TNRC6C: variants seen among roughly 807,000 people sequenced by gnomAD.
The protein encoded by TNRC6C is trinucleotide repeat-containing gene 6C protein.
In TNRC6C, 20 loss-of-function variants were observed where a neutral mutation model predicts 153.7. That is an observed-to-expected ratio of 0.13 (90% CI 0.09 to 0.19). The LOEUF (loss-of-function observed/expected upper bound fraction) is 0.19, where lower values mean the gene tolerates loss of function less well. TNRC6C is among the 10% of genes least tolerant of loss of function. The pLI, the probability that TNRC6C is intolerant of heterozygous loss-of-function variation, is 1.00. For missense variants in TNRC6C, 1,987 were observed against 2,172.0 expected (o/e 0.91, Z 1.69); for synonymous variants, 811 against 841.4 (o/e 0.96, Z 0.63).
chr17:78,098,619 G>T, intron 17 of TNRC6C, 82 bp downstream of exon 20: 1 of 1,448,096 alleles, frequency 6.9e-7, no homozygotes, highest in Admixed American at 2.2e-5. Context: ...TACCTCCTTT[G>T]TAAGGACCCC....
At position 77,985,617 on chromosome 17, in the gene TNRC6C, C is replaced by T. The variant is rs866333002; in HGVS notation, c.-37-18553C>T. On this transcript the variant is annotated intron_variant, in intron 1 of 22. Coordinates refer to the TNRC6C transcript ENST00000636222. ...ACTCCGTCTCAAAAAAAAAAAAAAA[C>T]CAGCAACTGTGTTGAATCTGTCTCA... Among the ~76,000 whole-genome samples, 10 of 140,208 alleles carry T rather than the reference C, an allele frequency of 7.1e-5. No individual in the cohort carries two copies. The South Asian group carries it at 1.7e-3, about 24-fold the overall frequency. The allele number at this position is 140,208 out of a possible 152,430, so 92.0% of individuals were successfully genotyped here. A position where few individuals can be genotyped will look rare whatever the true frequency, so the allele number is the denominator to read the frequency against.
chr17:78,092,207 G>T (rs528363389), intron 14 of TNRC6C, among the ~76,000 whole-genome samples: 1 of 152,192 alleles, frequency 6.6e-6, no homozygotes, highest in Non-Finnish European at 1.5e-5. Context: ...AGTAGGTTAC[G>T]TAGTTCTCTC....
intron 18 of TNRC6C, 174 bp downstream of exon 21, chr17:78,102,718 G>T: frequency 1.7e-6 from 1 of 587,052 alleles, no homozygotes; most frequent in Non-Finnish European, 2.9e-6. Context: ...CTCCAGCAGC[G>T]GCAGCAGATG....
intron 1 of TNRC6C, among the ~76,000 whole-genome samples, chr17:77,989,159 T>C (rs1157020980): frequency 6.6e-6 from 1 of 152,208 alleles, no homozygotes; most frequent in African/African-American, 2.4e-5. Context: ...GGCAGACCTT[T>C]GGAAGGATGG....
rs374510417 is a variant in TNRC6C at position 78,028,142 on chromosome 17, G to A, written c.-545-3374G>A. Among the ~76,000 whole-genome samples the A allele has an allele frequency of 5.6e-3, 847 of 152,194 alleles. 5 individuals carry two copies. Among genetic ancestry groups the A allele is most frequent in the Non-Finnish European group, 7.4e-3 (504 of 68,008 alleles). On this transcript the variant is annotated intron_variant, in intron 1 of 19. Transcript: ENST00000301624. ...CTCGATCTGACCTTGTGATCTGCCC[G>A]CCTCGGCCTCCCAAAGTGCTGGGAT...
chr17:77,964,197 T>C (rs781550502), intron 1 of TNRC6C, among the ~76,000 whole-genome samples: 2 of 152,244 alleles, frequency 1.3e-5, no homozygotes, highest in Non-Finnish European at 2.9e-5. Flanking sequence ...GGCATCTATT[T>C]GTATAAATCC....
At chr17:77,962,880 GT>G (rs1421435676) in intron 1 of TNRC6C, among the ~76,000 whole-genome samples, 1 of 152,178 alleles carries the variant, frequency 6.6e-6, no homozygotes, top group Non-Finnish European at 1.5e-5. Context: ...CTGGATTTTA[GT>G]TACTTTAGAT....
intron 1 of TNRC6C, among the ~76,000 whole-genome samples, chr17:77,986,411 C>G (rs1430417179): frequency 7.8e-5 from 2 of 25,500 alleles, no homozygotes; most frequent in Non-Finnish European, 1.6e-4. Flanking sequence ...GAAACTCCAT[C>G]TCAAAAAAAA....
chr17:78,064,815 G>A (rs1216522362), exon 4 of TNRC6C: 1 of 1,613,778 alleles, frequency 6.2e-7, no homozygotes, highest in South Asian at 1.1e-5. Flanking sequence ...GTGGATAATG[G>A]CACAGCAGCA....
intron 1 of TNRC6C, among the ~76,000 whole-genome samples, chr17:77,973,057 C>G (rs1406114573): frequency 6.6e-6 from 1 of 152,338 alleles, no homozygotes; most frequent in East Asian, 1.9e-4. Context: ...AGGCGCCTGC[C>G]ATCACATCCA....
At chr17:78,007,090 C>T (rs1003166564) in intron 1 of TNRC6C, among the ~76,000 whole-genome samples, 2 of 152,036 alleles carry the variant, frequency 1.3e-5, no homozygotes, top group Admixed American at 6.6e-5. Flanking sequence ...TGATTCCCCC[C>T]CACCTCGGCC....
At chr17:78,059,855 A>AG (rs113857642) in intron 3 of TNRC6C, among the ~76,000 whole-genome samples, 15,252 of 151,526 alleles carry the variant, frequency 0.1, 858 homozygotes, top group East Asian at 0.18. Context: ...TCAAAAAAAA[A>AG]AAAAAAAAGA....
At chr17:77,983,590 T>C (rs1164338939) in intron 1 of TNRC6C, among the ~76,000 whole-genome samples, 1 of 152,204 alleles carries the variant, frequency 6.6e-6, no homozygotes, top group Non-Finnish European at 1.5e-5. Flanking sequence ...CCTGTCATGT[T>C]GAGAACCCTG....
At chr17:78,033,435 C>T (rs2072112543) in intron 2 of TNRC6C, among the ~76,000 whole-genome samples, 1 of 152,068 alleles carries the variant, frequency 6.6e-6, no homozygotes. Flanking sequence ...TTTGGGAAGC[C>T]AAGGTGGGCG....
At chr17:78,021,231 C>T (rs926488911) in intron 1 of TNRC6C, among the ~76,000 whole-genome samples, 3 of 152,234 alleles carry the variant, frequency 2.0e-5, no homozygotes, top group African/African-American at 7.2e-5. Flanking sequence ...TGGACAACCT[C>T]TCCAGAGAGT....
At chr17:78,080,889 G>A (rs1487170995) in intron 10 of TNRC6C, among the ~76,000 whole-genome samples, 3 of 152,174 alleles carry the variant, frequency 2.0e-5, no homozygotes, top group Admixed American at 6.5e-5. Flanking sequence ...AAAAGAGAAC[G>A]TGTTAATTCA....
chr17:78,047,355 T>A (rs186763404), intron 2 of TNRC6C, among the ~76,000 whole-genome samples: 33 of 152,380 alleles, frequency 2.2e-4, no homozygotes, highest in African/African-American at 7.9e-4. Context: ...AGTCATTTTA[T>A]AGCAGTTTCA....
chr17:78,037,590 G>A (rs2072204921), intron 2 of TNRC6C, among the ~76,000 whole-genome samples: 1 of 152,196 alleles, frequency 6.6e-6, no homozygotes, highest in African/African-American at 2.4e-5. Flanking sequence ...GGAGTGACCT[G>A]CATGCATGAA....
intron 1 of TNRC6C, among the ~76,000 whole-genome samples, chr17:78,024,349 T>C (rs2071892839): frequency 6.6e-6 from 1 of 152,006 alleles, no homozygotes; most frequent in African/African-American, 2.4e-5. Context: ...TAGAGCAGTT[T>C]TTTTTGGTTT....
Sources: allele counts gnomAD v4.1 joint callset (sites outside exome capture counted in the v4.1 genomes callset), GRCh38; gene constraint gnomAD v4.1.1; transcripts MANE v1.5; gene names NCBI Gene and HGNC (gene_info 2026-07-23, HGNC 2026-07-21).